The following NLGN1 variants were observed in gnomAD, a reference collection of about 807,000 sequenced individuals.
The protein encoded by NLGN1 is neuroligin 1.
In NLGN1, 12 loss-of-function variants were observed where a neutral mutation model predicts 65.5. The observed-to-expected ratio is 0.18, with a 90% confidence interval of 0.12 to 0.30. NLGN1 has a LOEUF of 0.30. Ranked by LOEUF, NLGN1 falls within the 10% of genes least tolerant of loss-of-function variation. NLGN1 has a pLI of 1.00. For missense variants in NLGN1, 750 were observed against 1,007.1 expected, an observed-to-expected ratio of 0.74 and a Z score of 3.46; for synonymous variants, 350 against 359.5, an observed-to-expected ratio of 0.97 and a Z score of 0.30.
At chr3:173,467,617 C>T (rs1321690902) in intron 2 of NLGN1, among the ~76,000 whole-genome samples, 1 of 152,096 alleles carries the variant, frequency 6.6e-6, no homozygotes, top group Non-Finnish European at 1.5e-5. Context: ...CAATGTGCTA[C>T]ATGTCATAAT....
In NLGN1 at chr3:174,028,862, A is replaced by T. The variant is rs117910132; in HGVS notation, c.646+221030A>T. Reference sequence around the variant, plus strand: ...AGGCCTGGAGGCTTAGGAGGGATAAATGGTTTTGTGGGCCAGGCCCAGGGC... The same window carrying T: ...AGGCCTGGAGGCTTAGGAGGGATAATTGGTTTTGTGGGCCAGGCCCAGGGC... On this transcript the variant is annotated intron_variant, in intron 4 of 6. Transcript: ENST00000457714. 8.8e-4 allele frequency among the ~76,000 whole-genome samples: 134 copies of T among 152,198 alleles called. 1 individual carries two copies. The East Asian group carries it at 0.024, about 27-fold the overall frequency.
intron 3 of NLGN1, among the ~76,000 whole-genome samples, chr3:173,744,064 A>T (rs1775020531): frequency 6.6e-6 from 1 of 152,142 alleles, no homozygotes; most frequent in South Asian, 2.1e-4. Flanking sequence ...ATATAACATG[A>T]TATAGTAAGG....
At chr3:174,195,794 A>T (rs1297831111) in intron 4 of NLGN1, among the ~76,000 whole-genome samples, 7 of 152,086 alleles carry the variant, frequency 4.6e-5, no homozygotes, top group African/African-American at 1.7e-4. Context: ...TTGGAGAAAA[A>T]AAAACTGCCT....
At chr3:173,422,072 T>C (rs1715178315) in intron 1 of NLGN1, among the ~76,000 whole-genome samples, 1 of 143,202 alleles carries the variant, frequency 7.0e-6, no homozygotes, top group Non-Finnish European at 1.5e-5. Context: ...CAAACACTTA[T>C]CATGATATAT....
intron 4 of NLGN1, among the ~76,000 whole-genome samples, chr3:173,865,586 A>G (rs902632947): frequency 1.3e-5 from 2 of 152,190 alleles, no homozygotes; most frequent in African/African-American, 4.8e-5. Flanking sequence ...TTTTAAAAAA[A>G]CAACAAAGAA....
intron 4 of NLGN1, among the ~76,000 whole-genome samples, chr3:174,140,513 C>T (rs1722081845): frequency 6.6e-6 from 1 of 151,912 alleles, no homozygotes; most frequent in South Asian, 2.1e-4. Context: ...ATTTTCATCC[C>T]CATTTTATGG....
intron 4 of NLGN1, among the ~76,000 whole-genome samples, chr3:173,955,204 A>T (rs1207140822): frequency 6.6e-6 from 1 of 152,188 alleles, no homozygotes; most frequent in East Asian, 1.9e-4. Flanking sequence ...ATAATATAAA[A>T]ATCATTCATC....
At chr3:174,096,226 T>G (rs895001671) in intron 4 of NLGN1, among the ~76,000 whole-genome samples, 4 of 149,612 alleles carry the variant, frequency 2.7e-5, no homozygotes, top group Non-Finnish European at 4.4e-5. Flanking sequence ...TATGTATATA[T>G]GCATATAATA....
chr3:173,919,730 T>C (rs2152257656), intron 4 of NLGN1, among the ~76,000 whole-genome samples: 1 of 152,276 alleles, frequency 6.6e-6, no homozygotes, highest in Non-Finnish European at 1.5e-5. Flanking sequence ...TTGTACATTT[T>C]ACTCATGTTT....
chr3:173,548,534 C>T (rs899096244), intron 2 of NLGN1, among the ~76,000 whole-genome samples: 35 of 150,574 alleles, frequency 2.3e-4, no homozygotes, highest in African/African-American at 8.3e-4. Flanking sequence ...GTTATAGAAG[C>T]AGTGTGATCT....
intron 4 of NLGN1, among the ~76,000 whole-genome samples, chr3:174,071,802 C>T (rs1327620704): frequency 1.3e-5 from 2 of 151,826 alleles, no homozygotes; most frequent in African/African-American, 2.4e-5. Context: ...CAGTTCATTC[C>T]GTTATTTATT....
At chr3:173,599,085 G>T (rs566520754) in intron 2 of NLGN1, among the ~76,000 whole-genome samples, 12 of 152,060 alleles carry the variant, frequency 7.9e-5, no homozygotes, top group Admixed American at 1.3e-4. Flanking sequence ...AATTTCCCTG[G>T]ATTCATGAAC....
At chr3:173,396,863 G>C (rs1716707974), upstream of NLGN1, among the ~76,000 whole-genome samples, 1 of 152,146 alleles carries the variant, frequency 6.6e-6, no homozygotes, top group South Asian at 2.1e-4. Context: ...ATTGGGGTGG[G>C]GGTGGGGGGT....
intron 4 of NLGN1, among the ~76,000 whole-genome samples, chr3:173,991,018 G>T (rs931072053): frequency 5.9e-5 from 9 of 152,050 alleles, no homozygotes; most frequent in Middle Eastern, 3.2e-3. Context: ...TTCCCACAGA[G>T]TTGTACCTTT....
rs574298501 is a variant in NLGN1 at position 174,147,419 on chromosome 3, C to CTTTTTTTTTTTTTTTTT, written c.647-127881_647-127865dup. Among the ~76,000 whole-genome samples, 3 of 36,260 alleles carry CTTTTTTTTTTTTTTTTT rather than the reference C, an allele frequency of 8.3e-5. 1 individual carries two copies. Among genetic ancestry groups the CTTTTTTTTTTTTTTTTT allele is most frequent in the African/African-American group, 2.7e-4 (3 of 11,166 alleles). 23.8% of individuals were successfully genotyped at this position (36,260 alleles called of 152,430 possible). On this transcript the variant is annotated intron_variant, in intron 4 of 6. Coordinates refer to ENST00000457714, the Ensembl canonical transcript of NLGN1. ...TGAATTTTTGTGTAATGGCTCATGGCTTTTTTTTTTTTTTTTTTTTTTTTT... is the reference window on the plus strand; with the variant it reads ...TGAATTTTTGTGTAATGGCTCATGGCTTTTTTTTTTTTTTTTTTTTTTTTTTTTTTTTTTTTTTTTTT...
At position 173,498,940 on chromosome 3, in the gene NLGN1, G is replaced by T. The variant is rs548342797; in HGVS notation, c.-321+63862G>T. Among the ~76,000 whole-genome samples, 81 of 151,652 alleles carry T rather than the reference G, an allele frequency of 5.3e-4. 1 individual carries two copies. The highest frequency in any genetic ancestry group is 1.8e-3 in the African/African-American group (73 of 41,008). Reference sequence around the variant, plus strand: ...TGTAAATTTGTTTGAGTTCATTGTAGATTCTGGATATTAGCCCTTTGTCAG... The same window carrying T: ...TGTAAATTTGTTTGAGTTCATTGTATATTCTGGATATTAGCCCTTTGTCAG... On this transcript the variant is annotated intron_variant, in intron 2 of 6. Coordinates refer to ENST00000457714, the Ensembl canonical transcript of NLGN1.
intron 4 of NLGN1, among the ~76,000 whole-genome samples, chr3:174,208,830 T>C (rs1735904667): frequency 6.6e-6 from 1 of 152,200 alleles, no homozygotes; most frequent in South Asian, 2.1e-4. Context: ...TGAGGGTGTT[T>C]AGTATTATAT....
chr3:173,845,399 A>G (rs1725535423), intron 4 of NLGN1, among the ~76,000 whole-genome samples: 2 of 152,168 alleles, frequency 1.3e-5, no homozygotes, highest in South Asian at 2.1e-4. Context: ...TGAGTGAATG[A>G]TCCTCTGTTG....
intron 1 of NLGN1, among the ~76,000 whole-genome samples, chr3:173,410,467 T>C (rs1241180850): frequency 6.6e-6 from 1 of 152,030 alleles, no homozygotes; most frequent in Non-Finnish European, 1.5e-5. Context: ...TCACCTGGAG[T>C]TTTTGAAGTT....
Sources: allele counts gnomAD v4.1 joint callset (sites outside exome capture counted in the v4.1 genomes callset), GRCh38; gene constraint gnomAD v4.1.1; transcripts MANE v1.5; gene names NCBI Gene and HGNC (gene_info 2026-07-23, HGNC 2026-07-21).